Variants in CSMD1 observed in about 807,000 individuals in gnomAD.
CSMD1 encodes the protein CUB and sushi domain-containing protein 1.
A neutral mutation model predicts 417.5 loss-of-function variants in CSMD1; 213 were observed. The ratio of observed to expected loss-of-function variants is 0.51; its 90% confidence interval spans 0.46 to 0.57. The LOEUF is 0.57. Ranked by LOEUF, CSMD1 falls within the 20% of genes least tolerant of loss-of-function variation. The probability of loss-of-function intolerance (pLI) is 0.00; values close to 1 mark genes in which losing one functional copy is unlikely to be tolerated. For missense variants in CSMD1, 6,923 were observed against 4,529.7 expected (o/e 1.53, Z -15.17); for synonymous variants, 2,862 against 1,736.8 (o/e 1.65, Z -16.11).
At chr8:4,780,157 C>A (rs1585086591) in intron 1 of CSMD1, among the ~76,000 whole-genome samples, 1 of 152,200 alleles carries the variant, frequency 6.6e-6, no homozygotes, top group South Asian at 2.1e-4. Flanking sequence ...TTGGCCAGAC[C>A]TTCAGCATCT....
rs537869112 is a variant in CSMD1 at position 3,523,844 on chromosome 8, CAT to C, written c.1345-30120_1345-30119del. On this transcript the variant is annotated intron_variant, in intron 10 of 69. Transcript: ENST00000635120. ...ACATATGCATGCACACCCAGAGACA[CAT>C]GTGCATGCGCATGCACACACTTACA... Among the ~76,000 whole-genome samples, 564 of 146,336 alleles carry C rather than the reference CAT, an allele frequency of 3.9e-3. 3 individuals are homozygous for C. Among genetic ancestry groups the C allele is most frequent in the African/African-American group, 0.014 (538 of 39,414 alleles).
intron 3 of CSMD1, among the ~76,000 whole-genome samples, chr8:4,206,294 A>G (rs1368757860): frequency 1.3e-5 from 2 of 152,096 alleles, no homozygotes; most frequent in Non-Finnish European, 2.9e-5. Flanking sequence ...TGCTGCACCC[A>G]TTAACTTGTC....
chr8:3,950,065 G>A (rs956077218), intron 5 of CSMD1: 9 of 444,718 alleles, frequency 2.0e-5, no homozygotes, highest in Admixed American at 1.7e-4. Flanking sequence ...GGACTGAGTT[G>A]CCAGAAAATA....
At chr8:4,881,984 T>C (rs141438250) in intron 1 of CSMD1, among the ~76,000 whole-genome samples, 151 of 152,074 alleles carry the variant, frequency 9.9e-4, no homozygotes, top group Non-Finnish European at 1.7e-3. Context: ...GGCTCAGCTA[T>C]ACCTGGAAAG....
In CSMD1 at chr8:4,034,762, T is replaced by G. The variant is rs538027394; in HGVS notation, c.416-2663A>C. Among the ~76,000 whole-genome samples the G allele has an allele frequency of 9.0e-4, 137 of 152,350 alleles. 2 individuals carry two copies. Among genetic ancestry groups the G allele is most frequent in the African/African-American group, 3.2e-3 (135 of 41,588 alleles). On this transcript the variant is annotated intron_variant, in intron 3 of 69. Transcript: ENST00000635120. ...AATATTTAAAATAAATCAACATGTCTTCTTAGGGTCATTATTATTAACTGC... is the reference window on the plus strand; with the variant it reads ...AATATTTAAAATAAATCAACATGTCGTCTTAGGGTCATTATTATTAACTGC...
rs1172931469 is a variant in CSMD1 at position 3,406,101 on chromosome 8, TG to T, written c.2191del (p.Gln731ArgfsTer32). On this transcript the variant is annotated frameshift_variant, in exon 15 of 70. Transcript: ENST00000635120. LOFTEE classifies it high-confidence loss of function. ...FHCDDGFVKT[Q>X]GSESITCILQ... ...TATGCAGGTAATGGACTCGGATCCC[TG>T]GGTCTTGACAAAGCCATCATCACAG... is the stretch of plus-strand genomic sequence containing the variant. The T allele has an allele frequency of 6.2e-7, 1 of 1,613,840 alleles. No individual in the cohort carries two copies. Among genetic ancestry groups the T allele is most frequent in the African/African-American group, 1.3e-5 (1 of 74,906 alleles).
Position 4,781,169 on chromosome 8 carries a change from C to T in CSMD1, c.86-143611G>A, listed in dbSNP as rs554667299. ...CCACATAGTGGCTGTGCTTTGTGCC[C>T]AACCTAGCAAATACATCTCCGCAAG... On this transcript the variant is annotated intron_variant, in intron 1 of 69. Coordinates refer to ENST00000635120, the MANE Select transcript of CSMD1 (RefSeq NM_033225.6). Among the ~76,000 whole-genome samples, 8 of 152,260 alleles carry T rather than the reference C, an allele frequency of 5.3e-5. No individual in the cohort carries two copies. The South Asian group carries it at 1.7e-3, about 32-fold the overall frequency.
chr8:3,529,592 A>G (rs553358659), intron 10 of CSMD1, among the ~76,000 whole-genome samples: 2 of 152,222 alleles, frequency 1.3e-5, no homozygotes, highest in Non-Finnish European at 2.9e-5. Context: ...CAGGAATGCG[A>G]TGCACATCTT....
intron 5 of CSMD1, among the ~76,000 whole-genome samples, chr8:3,984,458 G>C (rs978473093): frequency 6.6e-6 from 1 of 151,832 alleles, no homozygotes; most frequent in African/African-American, 2.4e-5. Flanking sequence ...ATTGATATAT[G>C]TTTCTATAAG....
At chr8:3,914,222 A>G (rs954724718) in intron 5 of CSMD1, among the ~76,000 whole-genome samples, 1 of 152,152 alleles carries the variant, frequency 6.6e-6, no homozygotes, top group East Asian at 1.9e-4. Context: ...GAGCACCTGC[A>G]AAAGGGCTAG....
rs187730074 is a variant in CSMD1, at chr8:4,910,259, A to T, written c.85+84073T>A. 6.2e-3 allele frequency among the ~76,000 whole-genome samples: 942 copies of T among 152,036 alleles called. 8 individuals carry two copies. Among genetic ancestry groups the T allele is most frequent in the Middle Eastern group, 0.01 (3 of 294 alleles). ...TGACTATTTACACTTCCATTGTATTATCTCATCACAGTGAACAGTCAACGC... is the reference window on the plus strand; with the variant it reads ...TGACTATTTACACTTCCATTGTATTTTCTCATCACAGTGAACAGTCAACGC... On this transcript the variant is annotated intron_variant, in intron 1 of 69. Coordinates refer to ENST00000635120, the MANE Select transcript of CSMD1 (RefSeq NM_033225.6).
chr8:3,532,621 C>T (rs150566956), intron 10 of CSMD1, among the ~76,000 whole-genome samples: 24 of 152,208 alleles, frequency 1.6e-4, no homozygotes, highest in East Asian at 1.9e-4. Flanking sequence ...AGATTTACTA[C>T]GCCAAAATTT....
At chr8:3,374,321 C>G (rs560317513) in intron 18 of CSMD1, among the ~76,000 whole-genome samples, 1 of 152,094 alleles carries the variant, frequency 6.6e-6, no homozygotes, top group Non-Finnish European at 1.5e-5. Context: ...TCTATCCCAT[C>G]CTGCATTTAG....
intron 1 of CSMD1, among the ~76,000 whole-genome samples, chr8:4,657,093 A>C (rs1346546455): frequency 6.6e-6 from 1 of 152,210 alleles, no homozygotes; most frequent in Non-Finnish European, 1.5e-5. Flanking sequence ...AAAGCTAGGC[A>C]CAGATTTTCT....
chr8:3,911,261 T>C (rs1808443051), intron 5 of CSMD1, among the ~76,000 whole-genome samples: 1 of 152,190 alleles, frequency 6.6e-6, no homozygotes, highest in Non-Finnish European at 1.5e-5. Flanking sequence ...CTTTAGGTCA[T>C]TTTTCTTTTG....
chr8:4,039,388 G>T (rs1167033868), intron 3 of CSMD1, among the ~76,000 whole-genome samples: 1 of 152,196 alleles, frequency 6.6e-6, no homozygotes, highest in Admixed American at 6.5e-5. Flanking sequence ...CTTTGGGAAG[G>T]ATTAGAAAAA....
chr8:4,572,230 G>A (rs191128013), intron 2 of CSMD1, among the ~76,000 whole-genome samples: 4 of 152,240 alleles, frequency 2.6e-5, no homozygotes, highest in Non-Finnish European at 5.9e-5. Context: ...TTTACATTTT[G>A]GTATGTTTGA....
intron 20 of CSMD1, among the ~76,000 whole-genome samples, chr8:3,364,961 A>C (rs776760507): frequency 5.3e-5 from 8 of 152,236 alleles, no homozygotes; most frequent in Non-Finnish European, 1.2e-4. Flanking sequence ...GAATTTGCAC[A>C]GACTTCTGAG....
At chr8:3,444,610 A>T (rs1585174305) in intron 12 of CSMD1, among the ~76,000 whole-genome samples, 1 of 152,006 alleles carries the variant, frequency 6.6e-6, no homozygotes, top group Non-Finnish European at 1.5e-5. Flanking sequence ...GCTCCTAAAA[A>T]CCTACAGTCA....
Sources: gnomAD v4.1 joint callset for allele counts (sites outside exome capture counted in the v4.1 genomes callset) on GRCh38, gnomAD v4.1.1 for gene constraint, MANE v1.5 for transcripts, NCBI Gene and HGNC (gene_info 2026-07-23, HGNC 2026-07-21) for gene names.